Variants in SLC30A2 observed in about 807,000 individuals in gnomAD.
SLC30A2 encodes solute carrier family 30 member 2, also known as proton-coupled zinc antiporter SLC30A2.
A neutral mutation model predicts 39.6 loss-of-function variants in SLC30A2; 19 were observed. The observed-to-expected ratio is 0.48, with a 90% CI of 0.34 to 0.70. The LOEUF (loss-of-function observed/expected upper bound fraction) is 0.70. Ranked by LOEUF, SLC30A2 falls within the 30% of genes least tolerant of loss-of-function variation. The probability of loss-of-function intolerance (pLI) is 0.01; values close to 1 mark genes in which losing one functional copy is unlikely to be tolerated. For missense variants in SLC30A2, 387 were observed against 479.4 expected (o/e 0.81, Z 1.80); for synonymous variants, 195 against 194.8 (o/e 1.00, Z -0.01).
chr1:26,045,340 T>C, intron 1 of SLC30A2, 123 bp from the exon 2 acceptor site: 1 of 752,534 alleles, frequency 1.3e-6, no homozygotes, highest in African/African-American at 1.8e-5. Context: ...CGCTCCGAGC[T>C]CGACAAACCA....
rs1190260448 is a variant in SLC30A2, at chr1:26,045,145, C to T, written c.123G>A (p.Gln41=). ...IPLPRPGLDL[Q]AIELAAQSNH... is the part of the protein sequence containing the mutation. ...TGCTCTGGGCAGCCAGCTCAATGGC[C>T]TGCAAGTCCAGGCCAGGTCGGGGCA... Residue 41 remains glutamine (Q), a synonymous_variant, in exon 2 of 8, where the codon CAG becomes CAA. Coordinates refer to ENST00000374276, the MANE Select transcript of SLC30A2 (RefSeq NM_001004434.3). 2 of 1,613,906 alleles carry T rather than the reference C, an allele frequency of 1.2e-6. No individual in the cohort carries two copies. The highest frequency in any genetic ancestry group is 2.7e-5 in the African/African-American group (2 of 75,062).
In SLC30A2 at chr1:26,039,320, G is replaced by T; in HGVS notation, c.974-15C>A. On this transcript the variant is annotated splice_polypyrimidine_tract_variant and intron_variant, in intron 7 of 7. Transcript: ENST00000374276. This position sits in a 1 kb window ranked among gnomAD's most constrained non-coding sequence, Gnocchi z 4.3. ...TGTATTCTGAGCTGGGGGCCGAGAG[G>T]ACACAGCGGGGGAAGCCATTTACTC... is the stretch of plus-strand genomic sequence containing the variant. 6.2e-7 allele frequency: 1 copy of T among 1,602,818 alleles called. No homozygotes were observed. The highest frequency in any genetic ancestry group is 1.1e-5 in the South Asian group (1 of 90,736).
At chr1:26,040,924 C>CG (rs936285764) in intron 6 of SLC30A2, among the ~76,000 whole-genome samples, 3 of 151,300 alleles carry the variant, frequency 2.0e-5, no homozygotes, top group African/African-American at 7.3e-5. Context: ...AGACCCCCCC[C>CG]CCATCTCTAC....
At position 26,038,932 on chromosome 1, in the gene SLC30A2, G is replaced by A. The variant is rs1203239266; in HGVS notation, c.*228C>T. On this transcript the variant is annotated 3_prime_UTR_variant, in exon 8 of 8. Transcript: ENST00000374276. ...CAGCCCTTCCAGAGCTGGCCCAGGA[G>A]CTGGAAGAGCAGGGTCACACTAGCT... is the stretch of plus-strand genomic sequence containing the variant. The A allele has an allele frequency of 1.7e-6, 2 of 1,203,784 alleles. No individual in the cohort carries two copies. The highest frequency in any genetic ancestry group is 3.2e-5 in the East Asian group (1 of 31,694). The allele number at this position is 1,203,784 out of a possible 1,614,324, so 74.6% of individuals were successfully genotyped here. A position where few individuals can be genotyped will look rare whatever the true frequency, so the allele number is the denominator to read the frequency against.
Position 26,039,929 on chromosome 1 carries a change from AG to A in SLC30A2, c.839-19del. ...GGGGGTCCCTGAGGACGGCAAGGAC[AG>A]GGGAAACTAAAGGAAACTACCCCTC... On this transcript the variant is annotated intron_variant, in intron 6 of 7. Coordinates refer to ENST00000374276, the MANE Select transcript of SLC30A2 (RefSeq NM_001004434.3). This position sits in a 1 kb window ranked among gnomAD's most constrained non-coding sequence, Gnocchi z 4.3. The A allele has an allele frequency of 6.2e-7, 1 of 1,613,754 alleles. No individual in the cohort carries two copies. The highest frequency in any genetic ancestry group is 8.5e-7 in the Non-Finnish European group (1 of 1,179,892).
intron 5 of SLC30A2, 35 bp downstream of exon 5, chr1:26,042,514 C>T (rs935346323): frequency 6.3e-7 from 1 of 1,594,042 alleles, no homozygotes; most frequent in African/African-American, 1.3e-5. Flanking sequence ...CTACACTCCC[C>T]TGCCACCCCC....
Position 26,039,863 on chromosome 1 carries a change from G to A in SLC30A2, c.887C>T (p.Ser296Leu), listed in dbSNP as rs1355400106. 1.3e-5 allele frequency: 21 copies of A among 1,614,088 alleles called. No homozygotes were observed. Among genetic ancestry groups the A allele is most frequent in the East Asian group, 4.5e-5 (2 of 44,870 alleles). ...GTGCAGGGCTTCTACCCCCTCCACC[G>A]ACAGCAGCAGATCACGAACAGCTGT... ...DFTAVRDLLL[S>L]VEGVEALHSL... The change falls in exon 7 of 8, where the codon TCG becomes TTG. Residue 296 changes from serine to leucine, a missense_variant. Physicochemically the swap from Ser to Leu is moderately radical, Grantham distance 145 (BLOSUM62 -2). Transcript: ENST00000374276. The surrounding 1 kb of genome is among the most constrained non-coding windows in gnomAD (Gnocchi z 4.3).
chr1:26,039,783 C>T lies in SLC30A2; in HGVS notation c.967G>A (p.Ala323Thr), dbSNP rs372456339. The change falls in exon 7 of 8, where the codon GCC becomes ACC. Residue 323 changes from alanine to threonine, a missense_variant. Ala to Thr is a moderately conservative substitution (Grantham distance 58, BLOSUM62 0). Coordinates refer to ENST00000374276, the MANE Select transcript of SLC30A2 (RefSeq NM_001004434.3). This position sits in a 1 kb window ranked among gnomAD's most constrained non-coding sequence, Gnocchi z 4.3. ...VAQPVLSVHI[A>T]IAQNTDAQAV... ...GAGTGTCCCAAGCACTCACCAATGGCGATGTGGACAGACAGAACAGGCTGG... is the reference window on the plus strand; with the variant it reads ...GAGTGTCCCAAGCACTCACCAATGGTGATGTGGACAGACAGAACAGGCTGG... 4.3e-6 allele frequency: 7 copies of T among 1,613,658 alleles called. No homozygotes were observed. The highest frequency in any genetic ancestry group is 2.2e-5 in the East Asian group (1 of 44,880).
At chr1:26,040,500 C>G (rs561728494) in intron 6 of SLC30A2, among the ~76,000 whole-genome samples, 89 of 152,224 alleles carry the variant, frequency 5.8e-4, no homozygotes, top group African/African-American at 1.8e-3. Flanking sequence ...CTGCCTGCCT[C>G]GGCCTCCCAC....
chr1:26,038,646 C>T lies in SLC30A2; in HGVS notation c.*514G>A, dbSNP rs959341282. 2 of 152,542 alleles carry T rather than the reference C, an allele frequency of 1.3e-5. No homozygotes were observed. Among genetic ancestry groups the T allele is most frequent in the African/African-American group, 4.8e-5 (2 of 41,468 alleles). 9.4% of individuals were successfully genotyped at this position (152,542 alleles called of 1,614,324 possible). A position where few individuals can be genotyped will look rare whatever the true frequency, so the allele number is the denominator to read the frequency against. On this transcript the variant is annotated 3_prime_UTR_variant, in exon 8 of 8. Transcript: ENST00000374276. ...TGGCTCATAGCTGAAGTGACTAAGGCACAGATAGGCCTCAGGTGCCTCCTG... is the reference window on the plus strand; with the variant it reads ...TGGCTCATAGCTGAAGTGACTAAGGTACAGATAGGCCTCAGGTGCCTCCTG...
At position 26,042,621 on chromosome 1, in the gene SLC30A2, G is replaced by A. The variant is rs747311939; in HGVS notation, c.660C>T (p.Ala220=). 5 of 1,614,068 alleles carry A rather than the reference G, an allele frequency of 3.1e-6. No homozygotes were observed. The African/African-American group carries it at 4.0e-5, about 13-fold the overall frequency. ...QQEENPSVRA[A]FIHVIGDFMQ... Reference sequence around the variant, plus strand: ...TAAAGTCGCCGATCACATGGATGAAGGCAGCTCGGACGCTGGGGTTCTCCT... The same window carrying A: ...TAAAGTCGCCGATCACATGGATGAAAGCAGCTCGGACGCTGGGGTTCTCCT... The change falls in exon 5 of 8, where the codon GCC becomes GCT. Residue 220 remains alanine (A), a synonymous_variant. Coordinates refer to ENST00000374276, the MANE Select transcript of SLC30A2 (RefSeq NM_001004434.3).
chr1:26,046,056 C>G lies in SLC30A2; in HGVS notation c.-160G>C. 1 of 1,335,532 alleles carries G rather than the reference C, an allele frequency of 7.5e-7. No individual in the cohort carries two copies. Among genetic ancestry groups the G allele is most frequent in the Non-Finnish European group, 9.5e-7 (1 of 1,050,608 alleles). The allele number at this position is 1,335,532 out of a possible 1,614,324, so 82.7% of individuals were successfully genotyped here. A position where few individuals can be genotyped will look rare whatever the true frequency, so the allele number is the denominator to read the frequency against. ...TCCTGCGGCCCCTGAGCTCCCCCGG[C>G]TCCCGCTGCGGCTGCAGCTCCGGCT... On this transcript the variant is annotated 5_prime_UTR_variant, in exon 1 of 8. Coordinates refer to ENST00000374276, the MANE Select transcript of SLC30A2 (RefSeq NM_001004434.3). The surrounding 1 kb of genome is among the most constrained non-coding windows in gnomAD (Gnocchi z 4.4).
chr1:26,045,267 A>AG, intron 1 of SLC30A2, 50 bp from the exon 2 acceptor site: 1 of 1,468,032 alleles, frequency 6.8e-7, no homozygotes. Flanking sequence ...TGAGGTAAGG[A>AG]GGGCCGACTC....
rs2050375057 is a variant in SLC30A2 at position 26,039,532 on chromosome 1, A to G, written c.974-227T>C. 6.6e-6 allele frequency among the ~76,000 whole-genome samples: 1 copy of G among 152,256 alleles called. No individual in the cohort carries two copies. The highest frequency in any genetic ancestry group is 1.5e-5 in the Non-Finnish European group (1 of 68,052). On this transcript the variant is annotated intron_variant, in intron 7 of 7. Transcript: ENST00000374276. This position sits in a 1 kb window ranked among gnomAD's most constrained non-coding sequence, Gnocchi z 4.3. ...CCTTAAGGCCAGGAATCTGCCACCT[A>G]CTGCCATATACTAGCTGTAAAAGCC...
Position 26,041,817 on chromosome 1 carries a change from C to T in SLC30A2, c.733-12G>A. 6.5e-7 allele frequency: 1 copy of T among 1,530,668 alleles called. No individual in the cohort carries two copies. The highest frequency in any genetic ancestry group is 9.1e-7 in the Non-Finnish European group (1 of 1,104,914). The allele number at this position is 1,530,668 out of a possible 1,614,324, so 94.8% of individuals were successfully genotyped here. A position where few individuals can be genotyped will look rare whatever the true frequency, so the allele number is the denominator to read the frequency against. On this transcript the variant is annotated splice_polypyrimidine_tract_variant and intron_variant, in intron 5 of 7. Coordinates refer to ENST00000374276, the MANE Select transcript of SLC30A2 (RefSeq NM_001004434.3). Reference sequence around the variant, plus strand: ...TACTTGTATTCTGGCTGCAGGAAGACAGGAAGGCAGACCTGGAGTTCACCA... The same window carrying T: ...TACTTGTATTCTGGCTGCAGGAAGATAGGAAGGCAGACCTGGAGTTCACCA...
At position 26,044,391 on chromosome 1, in the gene SLC30A2, T is replaced by C. The variant is rs1471943335; in HGVS notation, c.325A>G (p.Thr109Ala). ...CTGATGAGCATGCTGGCAAAGTCAG[T>C]GAGCAGGTGTGCTGCGTCAGTCATG... ...AVMTDAAHLLTDFASMLISLF... is the reference protein window; with the variant it reads ...AVMTDAAHLLADFASMLISLF... Residue 109 changes from threonine (T) to alanine (A), a missense_variant, in exon 3 of 8, where the codon ACT (threonine) becomes GCT (alanine). Physicochemically the swap from Thr to Ala is moderately conservative, Grantham distance 58. Transcript: ENST00000374276. 1.2e-6 allele frequency: 2 copies of C among 1,613,958 alleles called. No individual in the cohort carries two copies. The highest frequency in any genetic ancestry group is 8.5e-7 in the Non-Finnish European group (1 of 1,179,974).
At chr1:26,044,517 C>T in intron 2 of SLC30A2, 73 bp from the exon 3 acceptor site, 1 of 1,460,708 alleles carries the variant, frequency 6.8e-7, no homozygotes, top group East Asian at 2.3e-5. Context: ...GCAGGGAGAC[C>T]ACAGGCTCTG....
rs2050458243 is a variant in SLC30A2, at chr1:26,045,883, T to C, written c.14A>G (p.Glu5Gly). The C allele has an allele frequency of 1.9e-6, 3 of 1,612,628 alleles. No individual in the cohort carries two copies. Among genetic ancestry groups the C allele is most frequent in the African/African-American group, 2.7e-5 (2 of 74,914 alleles). MEAK[E>G]KQHLLDARPA... ...CCTGGCGTCCAACAGATGCTGCTTCTCCTTGGCCTCCATGCAGTCCCGCGC... is the reference window on the plus strand; with the variant it reads ...CCTGGCGTCCAACAGATGCTGCTTCCCCTTGGCCTCCATGCAGTCCCGCGC... Residue 5 changes from glutamate to glycine, a missense_variant, in exon 1 of 8, where the codon GAG (glutamate) becomes GGG (glycine). Physicochemically the swap from Glu to Gly is moderately conservative, Grantham distance 98 (BLOSUM62 -2). Transcript: ENST00000374276.
Position 26,045,085 on chromosome 1 carries a change from A to G in SLC30A2, c.183T>C (p.Ser61=). The G allele has an allele frequency of 3.1e-6, 5 of 1,614,222 alleles. No individual in the cohort carries two copies. Among genetic ancestry groups the G allele is most frequent in the Non-Finnish European group, 3.4e-6 (4 of 1,180,034 alleles). Residue 61 remains serine (S), a synonymous_variant, in exon 2 of 8, where the codon AGT becomes AGC. Transcript: ENST00000374276. ...HHCHAQKGPD[S]HCDPKKGKAQ... is the part of the protein sequence containing the mutation. Reference sequence around the variant, plus strand: ...CCTTCCCCTTCTTGGGGTCACAGTGACTGTCAGGACCCTTCTGAGCATGGC... The same window carrying G: ...CCTTCCCCTTCTTGGGGTCACAGTGGCTGTCAGGACCCTTCTGAGCATGGC...
Sources: gnomAD v4.1 joint callset for allele counts (sites outside exome capture counted in the v4.1 genomes callset) on GRCh38, gnomAD v4.1.1 for gene constraint, Gnocchi (gnomAD v3.1) non-coding constraint, MANE v1.5 for transcripts, NCBI Gene and HGNC (gene_info 2026-07-23, HGNC 2026-07-21) for gene names.